The following STRA6 variants were observed in gnomAD, a reference collection of about 807,000 sequenced individuals.
STRA6 encodes signaling receptor and transporter of retinol STRA6, also known as receptor for retinol uptake STRA6.
A neutral mutation model predicts 83.6 loss-of-function variants in STRA6; 48 were observed. The observed-to-expected ratio is 0.57, with a 90% CI of 0.46 to 0.73. STRA6 has a LOEUF of 0.73. STRA6 is among the 30% of genes least tolerant of loss of function. The pLI is 0.00. For synonymous variants in STRA6, 353 were observed against 362.3 expected (o/e 0.97, Z 0.29); for missense variants, 760 against 838.8 (o/e 0.91, Z 1.16).
intron 2 of STRA6, among the ~76,000 whole-genome samples, chr15:74,200,740 T>C (rs542893922): frequency 8.5e-5 from 13 of 152,248 alleles, no homozygotes; most frequent in South Asian, 2.1e-4. Context: ...TTTATTCTTA[T>C]GGATGTCATG....
chr15:74,185,194 C>T, intron 12 of STRA6, 139 bp from the exon 13 acceptor site: 1 of 807,790 alleles, frequency 1.2e-6, no homozygotes, highest in Non-Finnish European at 2.1e-6. Flanking sequence ...CCTCTTGGCC[C>T]CACCCCCAGG....
intron 12 of STRA6, among the ~76,000 whole-genome samples, chr15:74,186,904 T>C (rs564604402): frequency 4.6e-5 from 7 of 152,348 alleles, no homozygotes; most frequent in African/African-American, 1.7e-4. Context: ...GCTTCCCAGA[T>C]TCAGCCAGGG....
intron 1 of STRA6, 110 bp downstream of exon 1, chr15:74,202,603 G>A (rs965175778): frequency 2.8e-6 from 4 of 1,454,034 alleles, no homozygotes; most frequent in Middle Eastern, 4.3e-4. Flanking sequence ...ACCAGCAGGC[G>A]TGTGTTCAAA....
intron 12 of STRA6, among the ~76,000 whole-genome samples, chr15:74,185,976 G>T (rs1388849944): frequency 6.6e-6 from 1 of 152,224 alleles, no homozygotes; most frequent in Non-Finnish European, 1.5e-5. Flanking sequence ...AGAATCTCAA[G>T]GACGGGGAGA....
chr15:74,211,518 G>A (rs1202094865), upstream of STRA6, among the ~76,000 whole-genome samples: 2 of 150,488 alleles, frequency 1.3e-5, no homozygotes, highest in East Asian at 2.0e-4. Context: ...CTCCTGCTTC[G>A]GCCTCCCGAG....
chr15:74,184,031 ACACT>A, intron 13 of STRA6, 42 bp from the exon 14 acceptor site: 1 of 1,608,320 alleles, frequency 6.2e-7, no homozygotes, highest in Non-Finnish European at 8.5e-7. Flanking sequence ...AGGGAGCAAC[ACACT>A]CTTCCTAAAT....
intron 12 of STRA6, among the ~76,000 whole-genome samples, chr15:74,185,498 A>C (rs2073201458): frequency 6.6e-6 from 1 of 152,190 alleles, no homozygotes; most frequent in Non-Finnish European, 1.5e-5. Context: ...ATAAGGCCCC[A>C]TCCACGTCTG....
intron 18 of STRA6, among the ~76,000 whole-genome samples, 198 bp downstream of exon 18, chr15:74,180,584 T>C (rs2072925615): frequency 6.6e-6 from 1 of 152,090 alleles, no homozygotes; most frequent in African/African-American, 2.4e-5. Context: ...TGCACACATA[T>C]GGTGTGTGTA....
intron 2 of STRA6, 30 bp downstream of exon 2, chr15:74,202,125 C>T: frequency 6.9e-7 from 1 of 1,456,724 alleles, no homozygotes; most frequent in Admixed American, 2.5e-5. Context: ...TGATGGCTGA[C>T]AGAGTGAGGT....
intron 13 of STRA6, 84 bp downstream of exon 13, chr15:74,184,896 C>T (rs2073165736): frequency 2.1e-6 from 3 of 1,406,412 alleles, no homozygotes; most frequent in Non-Finnish European, 3.0e-6. Context: ...TCCCTCCCTC[C>T]AGGCCCAGGG....
intron 12 of STRA6, among the ~76,000 whole-genome samples, chr15:74,186,110 C>T (rs1239484543): frequency 1.3e-5 from 2 of 152,208 alleles, no homozygotes; most frequent in Non-Finnish European, 2.9e-5. Context: ...GCCCAGCCTG[C>T]ACCCAAACCA....
At chr15:74,202,656 A>C (rs1048030409) in intron 1 of STRA6, 57 bp downstream of exon 1, 8 of 1,399,896 alleles carry the variant, frequency 5.7e-6, no homozygotes, top group Non-Finnish European at 6.5e-6. Context: ...AGCTGCCTAA[A>C]GAGACGCCCC....
chr15:74,184,036 C>T (rs773513140), intron 13 of STRA6, 47 bp from the exon 14 acceptor site: 2 of 1,606,790 alleles, frequency 1.2e-6, no homozygotes, highest in Non-Finnish European at 1.7e-6. Flanking sequence ...GCAACACACT[C>T]TTCCTAAATC....
At chr15:74,181,479 T>C (rs747096035) in intron 16 of STRA6, 21 bp from the exon 17 acceptor site, 2 of 1,612,396 alleles carry the variant, frequency 1.2e-6, no homozygotes, top group Non-Finnish European at 1.7e-6. Context: ...AGAAGAAAGC[T>C]GAGGCAGGCC....
chr15:74,192,942 C>G (rs1223569175), intron 8 of STRA6, among the ~76,000 whole-genome samples: 1 of 152,178 alleles, frequency 6.6e-6, no homozygotes, highest in East Asian at 1.9e-4. Flanking sequence ...ACTGGGAGCT[C>G]CTGGAGATCA....
chr15:74,209,166 G>C, upstream of STRA6: 1 of 1,293,618 alleles, frequency 7.7e-7, no homozygotes, highest in Non-Finnish European at 1.0e-6. Context: ...CACAGAGCAG[G>C]GGCTGGGGCC....
rs748339728 is a variant in STRA6, at chr15:74,191,471, A to C, written c.741T>G (p.Ser247=). 7 of 1,614,088 alleles carry C rather than the reference A, an allele frequency of 4.3e-6. No individual in the cohort carries two copies. The highest frequency in any genetic ancestry group is 5.9e-6 in the Non-Finnish European group (7 of 1,180,032). Residue 247 remains serine, a synonymous_variant, in exon 9 of 19, where the codon TCT becomes TCG. Transcript: ENST00000395105. ...AGSKGLQSSY[S]EEYLRNLLCR... ...AAAGGAGGTTCCTCAGATATTCCTC[A>C]GAGTAGCTGCTCTGCAGCCCCTGTG...
upstream of STRA6, among the ~76,000 whole-genome samples, chr15:74,205,427 G>A (rs1246848134): frequency 6.6e-6 from 1 of 152,158 alleles, no homozygotes; most frequent in Admixed American, 6.5e-5. Flanking sequence ...TGGCAAGAGA[G>A]GGAGCAGGAG....
At chr15:74,180,343 G>A in intron 18 of STRA6, 100 bp from the exon 19 acceptor site, 4 of 1,490,456 alleles carry the variant, frequency 2.7e-6, no homozygotes, top group African/African-American at 1.4e-5. Context: ...CCAGGCGTGT[G>A]CAGGTCGTGA....
Sources: gnomAD v4.1 joint callset for allele counts (sites outside exome capture counted in the v4.1 genomes callset) on GRCh38, gnomAD v4.1.1 for gene constraint, MANE v1.5 for transcripts, NCBI Gene and HGNC (gene_info 2026-07-23, HGNC 2026-07-21) for gene names.